HOMER2: variants seen among roughly 807,000 people sequenced by gnomAD.
The protein encoded by HOMER2 is homer scaffold protein 2.
A neutral mutation model predicts 47.0 loss-of-function variants in HOMER2; 27 were observed. The ratio of observed to expected loss-of-function variants is 0.57; its 90% CI spans 0.42 to 0.79. HOMER2 has a LOEUF of 0.79. Ranked by LOEUF, HOMER2 falls within the 30% of genes least tolerant of loss-of-function variation. The pLI, the probability that HOMER2 is intolerant of heterozygous loss-of-function variation, is 0.00. For missense variants in HOMER2, 443 were observed against 435.0 expected, an observed-to-expected ratio of 1.02 and a Z score of -0.16; for synonymous variants, 161 against 163.8, an observed-to-expected ratio of 0.98 and a Z score of 0.13.
chr15:82,873,581 C>T (rs764033032), intron 3 of HOMER2, among the ~76,000 whole-genome samples: 8 of 152,204 alleles, frequency 5.3e-5, no homozygotes, highest in Admixed American at 2.6e-4. Context: ...ACAGAGAGGA[C>T]GTCTCCCATA....
chr15:82,900,449 A>G (rs2053078440), intron 1 of HOMER2, among the ~76,000 whole-genome samples: 1 of 151,320 alleles, frequency 6.6e-6, no homozygotes, highest in Non-Finnish European at 1.5e-5. Flanking sequence ...TAATAAAATT[A>G]TTATTTTTAG....
intron 1 of HOMER2, among the ~76,000 whole-genome samples, chr15:82,932,504 A>AG: frequency 6.6e-6 from 1 of 152,048 alleles, no homozygotes; most frequent in South Asian, 2.1e-4. Context: ...CTGTCTCAAA[A>AG]AAAAAAAAGA....
At chr15:82,898,852 C>T (rs1596333940) in intron 1 of HOMER2, among the ~76,000 whole-genome samples, 1 of 152,228 alleles carries the variant, frequency 6.6e-6, no homozygotes, top group East Asian at 1.9e-4. Flanking sequence ...CATAAACCTA[C>T]AAAACATCAA....
intron 1 of HOMER2, among the ~76,000 whole-genome samples, chr15:82,936,194 C>T (rs115930989): frequency 0.012 from 1,756 of 152,332 alleles, 31 homozygotes; most frequent in African/African-American, 0.04. Context: ...GCTCTGCTCC[C>T]TTTCTGCACA....
At chr15:82,869,947 T>A (rs2052123270) in intron 3 of HOMER2, among the ~76,000 whole-genome samples, 2 of 152,232 alleles carry the variant, frequency 1.3e-5, no homozygotes, top group Non-Finnish European at 2.9e-5. Flanking sequence ...ATGAAATCCA[T>A]GGATCAAAGG....
exon 2 of HOMER2, chr15:82,837,188 C>T (rs1231415487): frequency 6.6e-6 from 1 of 152,280 alleles, no homozygotes; most frequent in African/African-American, 2.4e-5. Flanking sequence ...ACATCTCTTT[C>T]TGACCCAAGG....
chr15:82,981,541 T>G (rs1203337662), intron 1 of HOMER2, among the ~76,000 whole-genome samples: 1 of 152,244 alleles, frequency 6.6e-6, no homozygotes, highest in African/African-American at 2.4e-5. Flanking sequence ...AAGCAGGGAC[T>G]TGAATAGATA....
chr15:82,973,484 T>C (rs746561650), intron 1 of HOMER2, among the ~76,000 whole-genome samples: 3 of 152,192 alleles, frequency 2.0e-5, no homozygotes, highest in Non-Finnish European at 2.9e-5. Flanking sequence ...TAGTAAATGC[T>C]CGGTATTTAC....
chr15:82,902,178 A>G (rs1812673502), intron 1 of HOMER2, among the ~76,000 whole-genome samples: 1 of 151,370 alleles, frequency 6.6e-6, no homozygotes, highest in South Asian at 2.1e-4. Flanking sequence ...CAAGCTAAGA[A>G]CTGGAAAACA....
intron 1 of HOMER2, among the ~76,000 whole-genome samples, chr15:82,963,239 CA>C (rs906998301): frequency 6.6e-6 from 1 of 152,140 alleles, no homozygotes; most frequent in African/African-American, 2.4e-5. Flanking sequence ...TGCATGCCAC[CA>C]AGCCTAGCTA....
intron 1 of HOMER2, among the ~76,000 whole-genome samples, chr15:82,900,654 T>C (rs976635410): frequency 4.6e-5 from 7 of 151,926 alleles, no homozygotes; most frequent in Admixed American, 2.6e-4. Flanking sequence ...AATAGAAGCC[T>C]AAAGAAGTGA....
At chr15:82,908,110 G>A (rs1319285439) in intron 1 of HOMER2, among the ~76,000 whole-genome samples, 1 of 150,116 alleles carries the variant, frequency 6.7e-6, no homozygotes, top group Non-Finnish European at 1.5e-5. Flanking sequence ...CCAGGGTAGA[G>A]GAAATTGGGA....
rs765419885 is a variant in HOMER2 at position 82,915,203 on chromosome 15, C to G, written c.6-22362G>C. Among the ~76,000 whole-genome samples the G allele has an allele frequency of 8.8e-4, 133 of 150,968 alleles. 1 individual carries two copies. Among genetic ancestry groups the G allele is most frequent in the Non-Finnish European group, 2.8e-4 (19 of 67,906 alleles). On this transcript the variant is annotated intron_variant, in intron 1 of 8. Transcript: ENST00000450735. ...GGAGATAGTGATGATGGTTGTAGAA[C>G]AGTGTGAATGCACTTAATGCCCTGA...
chr15:82,842,642 A>C (rs1352082466), exon 2 of HOMER2: 1 of 151,938 alleles, frequency 6.6e-6, no homozygotes, highest in Non-Finnish European at 1.5e-5. Context: ...AGTTTTGAAA[A>C]AGTTTAATGG....
intron 1 of HOMER2, among the ~76,000 whole-genome samples, chr15:82,898,637 G>A (rs971356634): frequency 6.6e-6 from 1 of 152,162 alleles, no homozygotes; most frequent in African/African-American, 2.4e-5. Flanking sequence ...AGAATAATTA[G>A]ATACTCTGTG....
chr15:82,903,583 C>T (rs1024215672), intron 1 of HOMER2, among the ~76,000 whole-genome samples: 15 of 152,094 alleles, frequency 9.9e-5, no homozygotes, highest in African/African-American at 3.6e-4. Context: ...TGCGCCATTG[C>T]ACTCCAGCCT....
chr15:82,902,627 A>G (rs909245821), intron 1 of HOMER2, among the ~76,000 whole-genome samples: 8 of 152,214 alleles, frequency 5.3e-5, no homozygotes, highest in African/African-American at 1.7e-4. Flanking sequence ...TCCTTTTGCT[A>G]TAACACATCT....
At chr15:82,846,714 A>G (rs1389996132), downstream of HOMER2, 1 of 152,180 alleles carries the variant, frequency 6.6e-6, no homozygotes, top group Non-Finnish European at 1.5e-5. Flanking sequence ...GGCAGGCAGG[A>G]GAGATGAAAC....
chr15:82,896,703 C>T (rs1203419135), intron 1 of HOMER2, among the ~76,000 whole-genome samples: 2 of 133,584 alleles, frequency 1.5e-5, no homozygotes, highest in African/African-American at 5.1e-5. Flanking sequence ...TCCTCATCCT[C>T]GAGCCCCTGG....
Sources: gnomAD v4.1 joint callset for allele counts (sites outside exome capture counted in the v4.1 genomes callset) on GRCh38, gnomAD v4.1.1 for gene constraint, MANE v1.5 for transcripts, NCBI Gene and HGNC (gene_info 2026-07-23, HGNC 2026-07-21) for gene names.